Variants in LRRTM4 observed in about 807,000 individuals in gnomAD.
LRRTM4 encodes leucine-rich repeat transmembrane neuronal protein 4.
Under a neutral mutation model 47.6 loss-of-function variants are expected in LRRTM4, and 25 were observed. The ratio of observed to expected loss-of-function variants is 0.53; its 90% CI spans 0.38 to 0.73. The LOEUF (loss-of-function observed/expected upper bound fraction) is 0.73, where lower values mean the gene tolerates loss of function less well. Among genes scored for constraint, LRRTM4 ranks in the 30% least tolerant of loss-of-function variants. LRRTM4 has a pLI of 0.00. For synonymous variants in LRRTM4, 311 were observed against 269.5 expected (o/e 1.15, Z -1.51); for missense variants, 638 against 713.4 (o/e 0.89, Z 1.20).
At chr2:77,091,599 C>A (rs1441144570) in intron 3 of LRRTM4, among the ~76,000 whole-genome samples, 3 of 145,938 alleles carry the variant, frequency 2.1e-5, no homozygotes, top group African/African-American at 7.9e-5. Context: ...CCTCTACAAC[C>A]CATTATTCTG....
In LRRTM4 at chr2:76,748,849, G is replaced by T; in HGVS notation, c.1619C>A (p.Ala540Asp). 1 of 1,614,032 alleles carries T rather than the reference G, an allele frequency of 6.2e-7. No homozygotes were observed. The highest frequency in any genetic ancestry group is 8.5e-7 in the Non-Finnish European group (1 of 1,179,886). ...YDQPVIGYCQ[A>D]HQPLHVTKGY... ...CTTGGTGACATGGAGTGGCTGGTGG[G>T]CCTGGCAGTACCCGATCACAGGCTG... The change falls in exon 4 of 4, where the codon GCC becomes GAC. Residue 540 changes from alanine (A) to aspartate (D), a missense_variant. Coordinates refer to ENST00000409884, the MANE Select transcript of LRRTM4 (RefSeq NM_001134745.3).
chr2:77,185,889 C>T lies in LRRTM4; in HGVS notation c.1551+332429G>A, dbSNP rs552547065. ...TAAAACTCTTTAACTTCAGTGGGCT[C>T]ATCTGTAAAATAATAACTCGCCTTA... On this transcript the variant is annotated intron_variant, in intron 3 of 3. Coordinates refer to ENST00000409884, the MANE Select transcript of LRRTM4 (RefSeq NM_001134745.3). Among the ~76,000 whole-genome samples, 18 of 152,148 alleles carry T rather than the reference C, an allele frequency of 1.2e-4. No homozygotes were observed. In the South Asian group the frequency reaches 2.7e-3, roughly 23 times the overall value.
At chr2:76,797,591 A>G (rs541710996) in intron 3 of LRRTM4, among the ~76,000 whole-genome samples, 1 of 151,976 alleles carries the variant, frequency 6.6e-6, no homozygotes, top group Non-Finnish European at 1.5e-5. Flanking sequence ...CATCATAATG[A>G]CAGGATCAAA....
chr2:77,093,023 T>C (rs1415662048), intron 3 of LRRTM4, among the ~76,000 whole-genome samples: 1 of 146,502 alleles, frequency 6.8e-6, no homozygotes, highest in Non-Finnish European at 1.5e-5. Flanking sequence ...TAAGCTCCTT[T>C]ATAGACGCTC....
intron 3 of LRRTM4, among the ~76,000 whole-genome samples, chr2:77,159,595 G>A (rs116790845): frequency 0.03 from 4,540 of 151,766 alleles, 245 homozygotes; most frequent in African/African-American, 0.1. Flanking sequence ...TAAATGAAAG[G>A]GGATCATCAC....
chr2:77,207,349 G>GTGTATATATATATA (rs375773430), intron 3 of LRRTM4, among the ~76,000 whole-genome samples: 2 of 120,840 alleles, frequency 1.7e-5, no homozygotes, highest in African/African-American at 7.3e-5. Flanking sequence ...TCATATATGT[G>GTGTATATATATATA]TATATATATA....
rs541693111 is a variant in LRRTM4 at position 77,024,771 on chromosome 2, A to G, written c.1552-275855T>C. 1.1e-3 allele frequency among the ~76,000 whole-genome samples: 161 copies of G among 152,320 alleles called. 1 individual carries two copies. The highest frequency in any genetic ancestry group is 3.6e-3 in the African/African-American group (151 of 41,570). On this transcript the variant is annotated intron_variant, in intron 3 of 3. Transcript: ENST00000409884. Reference sequence around the variant, plus strand: ...TCAAATTTAATATGCTTGTAAAAGTATATAGTAGGAATTCTATTATTGGAA... The same window carrying G: ...TCAAATTTAATATGCTTGTAAAAGTGTATAGTAGGAATTCTATTATTGGAA...
chr2:77,132,404 C>T (rs1245461818), intron 3 of LRRTM4, among the ~76,000 whole-genome samples: 1 of 152,118 alleles, frequency 6.6e-6, no homozygotes, highest in East Asian at 1.9e-4. Flanking sequence ...TTGATGGACA[C>T]TTAGGTTGGT....
intron 3 of LRRTM4, among the ~76,000 whole-genome samples, chr2:77,273,811 A>T (rs1676268367): frequency 1.3e-5 from 2 of 152,156 alleles, no homozygotes; most frequent in South Asian, 2.1e-4. Flanking sequence ...ACTGTTAATC[A>T]TATATTTATC....
chr2:76,791,918 C>CA (rs1674996469), intron 3 of LRRTM4, among the ~76,000 whole-genome samples: 2 of 152,046 alleles, frequency 1.3e-5, no homozygotes, highest in African/African-American at 2.4e-5. Context: ...AAAAACCAGA[C>CA]AAAAAATTCT....
intron 3 of LRRTM4, among the ~76,000 whole-genome samples, chr2:76,819,234 T>A (rs1198994782): frequency 1.4e-5 from 2 of 143,288 alleles, no homozygotes; most frequent in East Asian, 4.6e-4. Flanking sequence ...ATATATTATA[T>A]CATAGAATGT....
chr2:77,275,367 T>C (rs1676316152), intron 3 of LRRTM4, among the ~76,000 whole-genome samples: 3 of 145,988 alleles, frequency 2.1e-5, no homozygotes, highest in African/African-American at 7.4e-5. Flanking sequence ...GCATAATTAG[T>C]GCTACATAAA....
At chr2:77,293,775 T>C (rs1676895174) in intron 3 of LRRTM4, among the ~76,000 whole-genome samples, 1 of 152,074 alleles carries the variant, frequency 6.6e-6, no homozygotes, top group Non-Finnish European at 1.5e-5. Context: ...AAGAATATAA[T>C]TGCTGGTGTG....
At chr2:77,516,329 T>C (rs1374613252) in intron 3 of LRRTM4, among the ~76,000 whole-genome samples, 1 of 151,850 alleles carries the variant, frequency 6.6e-6, no homozygotes, top group East Asian at 1.9e-4. Flanking sequence ...AACTTGTTTC[T>C]GTCATGGTAA....
At position 76,963,964 on chromosome 2, in the gene LRRTM4, T is replaced by C. The variant is rs181436090; in HGVS notation, c.1552-215048A>G. On this transcript the variant is annotated intron_variant, in intron 3 of 3. Coordinates refer to ENST00000409884, the MANE Select transcript of LRRTM4 (RefSeq NM_001134745.3). ...AATATTTTAATAATGAATATTTTTA[T>C]GGCCTACTGTATTACAAATTATGCT... is the stretch of plus-strand genomic sequence containing the variant. Among the ~76,000 whole-genome samples, 911 of 151,020 alleles carry C rather than the reference T, an allele frequency of 6.0e-3. 6 individuals are homozygous for C. The highest frequency in any genetic ancestry group is 8.1e-3 in the Non-Finnish European group (545 of 67,194).
chr2:76,895,723 T>C (rs1265344582), intron 3 of LRRTM4, among the ~76,000 whole-genome samples: 1 of 152,104 alleles, frequency 6.6e-6, no homozygotes, highest in Admixed American at 6.6e-5. Context: ...GCCACAGTGA[T>C]AAACATACTG....
At chr2:77,131,893 A>G (rs1671812348) in intron 3 of LRRTM4, among the ~76,000 whole-genome samples, 1 of 152,220 alleles carries the variant, frequency 6.6e-6, no homozygotes, top group Non-Finnish European at 1.5e-5. Context: ...TAATACTTGT[A>G]CATATTTATG....
chr2:77,442,373 G>C (rs985047416), intron 3 of LRRTM4, among the ~76,000 whole-genome samples: 3 of 152,196 alleles, frequency 2.0e-5, no homozygotes, highest in Admixed American at 2.0e-4. Flanking sequence ...AAAATTGATG[G>C]CATTTCAGAT....
chr2:77,509,686 T>A (rs898719258), intron 3 of LRRTM4, among the ~76,000 whole-genome samples: 1 of 152,214 alleles, frequency 6.6e-6, no homozygotes, highest in African/African-American at 2.4e-5. Context: ...ATATTTACAC[T>A]GTAGCTTTTT....
Sources: gnomAD v4.1 joint callset for allele counts (sites outside exome capture counted in the v4.1 genomes callset) on GRCh38, gnomAD v4.1.1 for gene constraint, MANE v1.5 for transcripts, NCBI Gene and HGNC (gene_info 2026-07-23, HGNC 2026-07-21) for gene names.